The following CNOT1 variants were observed in gnomAD, a reference collection of about 807,000 sequenced individuals.
The protein encoded by CNOT1 is CCR4-NOT transcription complex subunit 1, also known as CCR4-associated factor 1.
A neutral mutation model predicts 273.8 loss-of-function variants in CNOT1; 15 were observed. The ratio of observed to expected loss-of-function variants is 0.05; its 90% CI spans 0.04 to 0.08. The LOEUF is 0.08. Among genes scored for constraint, CNOT1 ranks in the 10% least tolerant of loss-of-function variants. CNOT1 has a pLI of 1.00. For synonymous variants in CNOT1, 1,022 were observed against 1,005.5 expected, an observed-to-expected ratio of 1.02 and a Z score of -0.31; for missense variants, 1,644 against 2,912.2, an observed-to-expected ratio of 0.56 and a Z score of 10.02.
At chr16:58,546,889 A>G in intron 27 of CNOT1, 140 bp from the exon 28 acceptor site, 1 of 1,137,800 alleles carries the variant, frequency 8.8e-7, no homozygotes, top group South Asian at 1.5e-5. Context: ...AAAATAACCA[A>G]AAACAGTTAA....
At chr16:58,542,380 C>A in intron 32 of CNOT1, 45 bp from the exon 33 acceptor site, 1 of 1,613,014 alleles carries the variant, frequency 6.2e-7, no homozygotes, top group Non-Finnish European at 8.5e-7. Flanking sequence ...TAAGGCACTT[C>A]CCTAAATTAA....
chr16:58,599,989 G>GAC (rs2042404743), intron 1 of CNOT1, among the ~76,000 whole-genome samples: 1 of 151,940 alleles, frequency 6.6e-6, no homozygotes. Flanking sequence ...CTTGAAACTA[G>GAC]GAGGCAGAGG....
intron 21 of CNOT1, 36 bp from the exon 22 acceptor site, chr16:58,553,896 A>G (rs1185762124): frequency 6.4e-7 from 1 of 1,572,314 alleles, no homozygotes; most frequent in Non-Finnish European, 8.6e-7. Flanking sequence ...ATTTCATGTC[A>G]GAACAGAAGC....
At chr16:58,624,333 T>C (rs115264201) in intron 1 of CNOT1, among the ~76,000 whole-genome samples, 88 of 152,332 alleles carry the variant, frequency 5.8e-4, no homozygotes, top group African/African-American at 2.0e-3. Context: ...AGAAAGTTTA[T>C]GTTCTCAGAA....
At chr16:58,596,008 G>T (rs2042237751) in intron 2 of CNOT1, among the ~76,000 whole-genome samples, 1 of 152,194 alleles carries the variant, frequency 6.6e-6, no homozygotes, top group African/African-American at 2.4e-5. Context: ...TGGGATGAAG[G>T]TACCGCAAAT....
intron 1 of CNOT1, among the ~76,000 whole-genome samples, chr16:58,620,410 G>A (rs1381061997): frequency 3.3e-5 from 5 of 152,128 alleles, no homozygotes; most frequent in Admixed American, 6.6e-5. Context: ...GGAGGCCGAG[G>A]TGGGCAGATC....
At chr16:58,618,839 C>T (rs919696222) in intron 1 of CNOT1, among the ~76,000 whole-genome samples, 3 of 152,056 alleles carry the variant, frequency 2.0e-5, no homozygotes, top group Non-Finnish European at 2.9e-5. Flanking sequence ...GCTACAGTGC[C>T]TTCAATAACT....
rs749601381 is a variant in CNOT1, at chr16:58,543,571, C to T, written c.4434+36G>A. 30 of 1,613,820 alleles carry T rather than the reference C, an allele frequency of 1.9e-5. No homozygotes were observed. The African/African-American group carries it at 1.9e-4, about 10-fold the overall frequency. Reference sequence around the variant, plus strand: ...AAATTATTACAGACAAGCAGTAATACGTTTTGTACCTATACCAAGGAAATA... The same window carrying T: ...AAATTATTACAGACAAGCAGTAATATGTTTTGTACCTATACCAAGGAAATA... On this transcript the variant is annotated intron_variant, in intron 31 of 48. Transcript: ENST00000317147.
At chr16:58,626,117 C>G (rs2043570257) in intron 1 of CNOT1, among the ~76,000 whole-genome samples, 1 of 152,050 alleles carries the variant, frequency 6.6e-6, no homozygotes. Context: ...AAAGTATATA[C>G]CAAGTTCAGG....
intron 1 of CNOT1, among the ~76,000 whole-genome samples, chr16:58,626,700 T>C (rs2043599726): frequency 6.7e-6 from 1 of 149,866 alleles, no homozygotes; most frequent in African/African-American, 2.5e-5. Flanking sequence ...GCGGAGGTTG[T>C]AGTGAGCTGA....
intron 30 of CNOT1, among the ~76,000 whole-genome samples, chr16:58,544,626 T>C (rs1039482439): frequency 2.6e-5 from 4 of 152,228 alleles, no homozygotes; most frequent in Admixed American, 2.0e-4. Context: ...ATTTCTCTGA[T>C]ACCCTTTCAA....
At chr16:58,586,799 G>C in intron 6 of CNOT1, 51 bp from the exon 7 acceptor site, 1 of 1,582,766 alleles carries the variant, frequency 6.3e-7, no homozygotes. Context: ...ACCACAATGG[G>C]TTAAAAAGTC....
chr16:58,533,787 T>G (rs972146076), intron 40 of CNOT1, among the ~76,000 whole-genome samples: 1 of 152,152 alleles, frequency 6.6e-6, no homozygotes, highest in African/African-American at 2.4e-5. Context: ...ATTGCACCAC[T>G]GCACTCCAGT....
chr16:58,626,558 G>A (rs751371813), intron 1 of CNOT1, among the ~76,000 whole-genome samples: 14 of 151,824 alleles, frequency 9.2e-5, no homozygotes, highest in Non-Finnish European at 1.5e-4. Context: ...TCAAGAGTTC[G>A]AGACCAGCCT....
chr16:58,602,761 T>G (rs1006764506), intron 1 of CNOT1, among the ~76,000 whole-genome samples: 2 of 151,560 alleles, frequency 1.3e-5, no homozygotes, highest in African/African-American at 4.8e-5. Flanking sequence ...TAAAAAAAAT[T>G]TTTTTAAAAA....
rs201226960 is a variant in CNOT1 at position 58,531,970 on chromosome 16, C to T, written c.6165G>A (p.Thr2055=). 106 of 1,614,060 alleles carry T rather than the reference C, an allele frequency of 6.6e-5. No homozygotes were observed. The highest frequency in any genetic ancestry group is 8.7e-5 in the Non-Finnish European group (103 of 1,180,004). ...ACTGCAGCCACACCTTCTGCTGTGG[C>T]GTATGTGCCAGCATTCTTGCAATAA... ...RIFIARMLAH[T]PQQKGWPMYA... is the part of the protein sequence containing the mutation. The change falls in exon 42 of 49, where the codon ACG becomes ACA. Residue 2055 remains threonine (T), a synonymous_variant. Coordinates refer to ENST00000317147, the MANE Select transcript of CNOT1 (RefSeq NM_016284.5).
rs756777464 is a variant in CNOT1 at position 58,528,663 on chromosome 16, CAAG to C, written c.6280-18_6280-16del. ...CTTAAAGTGCCCTATTTTTAAAAAA[CAAG>C]AAAAATATTTCCACACTAAGGAAAA... On this transcript the variant is annotated splice_polypyrimidine_tract_variant and intron_variant, in intron 43 of 48. Transcript: ENST00000317147. The C allele has an allele frequency of 5.7e-6, 9 of 1,580,026 alleles. No individual in the cohort carries two copies. The Middle Eastern group carries it at 6.7e-4, about 119-fold the overall frequency.
In CNOT1 at chr16:58,525,376, C is replaced by T; in HGVS notation, c.6604-17G>A. On this transcript the variant is annotated splice_polypyrimidine_tract_variant and intron_variant, in intron 45 of 48. Coordinates refer to ENST00000317147, the MANE Select transcript of CNOT1 (RefSeq NM_016284.5). ...ATTGGATACCTTAAAATGAGCAAAACAGAACTCCTTATGCTTACTCCTGCA... is the reference window on the plus strand; with the variant it reads ...ATTGGATACCTTAAAATGAGCAAAATAGAACTCCTTATGCTTACTCCTGCA... 1 of 1,610,240 alleles carries T rather than the reference C, an allele frequency of 6.2e-7. No individual in the cohort carries two copies.
At chr16:58,605,273 CGGG>C (rs1166389903) in intron 1 of CNOT1, among the ~76,000 whole-genome samples, 31 of 152,216 alleles carry the variant, frequency 2.0e-4, no homozygotes, top group African/African-American at 7.0e-4. Context: ...GAGGCTGAGG[CGGG>C]TGGATCACCT....
Sources: gnomAD v4.1 joint callset for allele counts (sites outside exome capture counted in the v4.1 genomes callset) on GRCh38, gnomAD v4.1.1 for gene constraint, MANE v1.5 for transcripts, NCBI Gene and HGNC (gene_info 2026-07-23, HGNC 2026-07-21) for gene names.